TMX3: variants seen among roughly 807,000 people sequenced by gnomAD.
The protein encoded by TMX3 is protein disulfide-isomerase TMX3.
A neutral mutation model predicts 64.4 loss-of-function variants in TMX3; 40 were observed. The ratio of observed to expected loss-of-function variants is 0.62; its 90% CI spans 0.48 to 0.81. The LOEUF (loss-of-function observed/expected upper bound fraction) is 0.81. TMX3 is among the 30% of genes least tolerant of loss of function. The probability of loss-of-function intolerance (pLI) is 0.00; values close to 1 mark genes in which losing one functional copy is unlikely to be tolerated. For missense variants in TMX3, 497 were observed against 534.5 expected (o/e 0.93, Z 0.69); for synonymous variants, 189 against 175.7 (o/e 1.08, Z -0.60).
At chr18:68,703,114 T>C (rs1367909465) in intron 4 of TMX3, among the ~76,000 whole-genome samples, 4 of 152,180 alleles carry the variant, frequency 2.6e-5, no homozygotes, top group Admixed American at 2.6e-4. Context: ...AGACTGTGGG[T>C]ATGGAGACTG....
rs1469257250 is a variant in TMX3 at position 68,697,257 on chromosome 18, A to T, written c.539T>A (p.Phe180Tyr). The T allele has an allele frequency of 1.3e-6, 2 of 1,584,600 alleles. No individual in the cohort carries two copies. Among genetic ancestry groups the T allele is most frequent in the Non-Finnish European group, 8.6e-7 (1 of 1,163,564 alleles). The change falls in exon 8 of 16, where the codon TTC becomes TAC. Residue 180 changes from phenylalanine to tyrosine, a missense_variant. Around this residue, in one of 3 missense-constraint regions of TMX3, gnomAD observed 360 missense variants for 383.5 expected, o/e 0.94. Coordinates refer to ENST00000299608, the MANE Select transcript of TMX3 (RefSeq NM_019022.5). ...AASELIVYTY[F>Y]FSASEEVVPE... The stretch of plus-strand genomic sequence containing the variant: ...AACCACTTCTTCTGAGGCAGAAAAG[A>T]AGTATGTATATACAATCAATTCTGA...
rs1913520648 is a variant in TMX3, at chr18:68,682,372, T to G, written c.905+553A>C. On this transcript the variant is annotated intron_variant, in intron 13 of 15. Coordinates refer to ENST00000299608, the MANE Select transcript of TMX3 (RefSeq NM_019022.5). ...TAAATCTCTACATCATAATTTTAGA[T>G]AAAAATTATTTTAAAACTACATATT... Among the ~76,000 whole-genome samples the G allele has an allele frequency of 3.3e-5, 5 of 152,166 alleles. No homozygotes were observed. The South Asian group carries it at 1.0e-3, about 31-fold the overall frequency.
At chr18:68,710,348 C>T (rs1390864787) in intron 3 of TMX3, among the ~76,000 whole-genome samples, 1 of 152,048 alleles carries the variant, frequency 6.6e-6, no homozygotes, top group Non-Finnish European at 1.5e-5. Flanking sequence ...TACCTCAAAA[C>T]CGGTACTATC....
Position 68,714,989 on chromosome 18 carries a change from C to T in TMX3, c.-8G>A, listed in dbSNP as rs760424705. The T allele has an allele frequency of 9.6e-6, 15 of 1,569,188 alleles. No homozygotes were observed. The highest frequency in any genetic ancestry group is 1.4e-5 in the African/African-American group (1 of 73,686). On this transcript the variant is annotated 5_prime_UTR_variant, in exon 1 of 16. Coordinates refer to ENST00000299608, the MANE Select transcript of TMX3 (RefSeq NM_019022.5). Reference sequence around the variant, plus strand: ...ACTCTTCCACGCTGCCATGCTAGCCCGGGAGAGCTGCAGAAGCTGACTGTG... The same window carrying T: ...ACTCTTCCACGCTGCCATGCTAGCCTGGGAGAGCTGCAGAAGCTGACTGTG...
chr18:68,686,554 C>CA (rs1913978067), intron 10 of TMX3: 1 of 182,132 alleles, frequency 5.5e-6, no homozygotes, highest in African/African-American at 2.4e-5. Flanking sequence ...GCTAAGAATA[C>CA]AAAAATTTGC....
chr18:68,697,645 A>C, intron 7 of TMX3: 1 of 390,558 alleles, frequency 2.6e-6, no homozygotes, highest in Non-Finnish European at 4.5e-6. Flanking sequence ...AGTCTCAAAG[A>C]CTCAGAATTT....
intron 14 of TMX3, 115 bp from the exon 15 acceptor site, chr18:68,679,646 A>T: frequency 2.6e-6 from 2 of 780,660 alleles, no homozygotes; most frequent in South Asian, 1.9e-5. Flanking sequence ...TTACATAATC[A>T]CCTGAAAAGG....
At chr18:68,683,382 G>A (rs183587451) in intron 12 of TMX3, among the ~76,000 whole-genome samples, 1 of 152,082 alleles carries the variant, frequency 6.6e-6, no homozygotes, top group African/African-American at 2.4e-5. Flanking sequence ...AGAAGATTCA[G>A]AATAGGAAAG....
At chr18:68,679,418 C>G (rs1644555835) in intron 15 of TMX3, 45 bp downstream of exon 15, 2 of 1,476,888 alleles carry the variant, frequency 1.4e-6, no homozygotes, top group South Asian at 2.4e-5. Flanking sequence ...ACATAAAGAA[C>G]CTATATCTTC....
intron 9 of TMX3, 191 bp from the exon 10 acceptor site, chr18:68,687,956 T>G (rs945003842): frequency 5.5e-6 from 2 of 364,794 alleles, no homozygotes; most frequent in African/African-American, 4.2e-5. Context: ...ATCTTCATTA[T>G]AGCATCATTA....
At chr18:68,686,755 G>T (rs990307171) in intron 10 of TMX3, 1 of 984,516 alleles carries the variant, frequency 1.0e-6, no homozygotes, top group African/African-American at 1.8e-5. Flanking sequence ...CACTGTCCCC[G>T]GCAACTTCCA....
intron 10 of TMX3, among the ~76,000 whole-genome samples, chr18:68,685,555 C>A (rs1913863359): frequency 6.6e-6 from 1 of 152,116 alleles, no homozygotes. Flanking sequence ...GCAGAGCATT[C>A]TCCCATAGAC....
intron 15 of TMX3, among the ~76,000 whole-genome samples, chr18:68,678,243 C>T (rs1913107830): frequency 6.6e-6 from 1 of 151,980 alleles, no homozygotes; most frequent in African/African-American, 2.4e-5. Flanking sequence ...TACTTCTAAC[C>T]AAAAAATGTT....
chr18:68,701,549 A>G lies in TMX3; in HGVS notation c.311+196T>C. ...CAAGCAAAACACGTGAATTAGCCATAAACAACATGATTGCTTAAATACGAA... is the reference window on the plus strand; with the variant it reads ...CAAGCAAAACACGTGAATTAGCCATGAACAACATGATTGCTTAAATACGAA... On this transcript the variant is annotated intron_variant, in intron 5 of 15. Transcript: ENST00000299608. The G allele has an allele frequency of 2.3e-6, 3 of 1,328,602 alleles. 1 individual carries two copies. The allele number at this position is 1,328,602 out of a possible 1,614,324, so 82.3% of individuals were successfully genotyped here.
At chr18:68,712,018 A>AT (rs1157577030) in intron 2 of TMX3, among the ~76,000 whole-genome samples, 1 of 152,156 alleles carries the variant, frequency 6.6e-6, no homozygotes, top group Non-Finnish European at 1.5e-5. Flanking sequence ...AGTTTACAGC[A>AT]TATGACGAGC....
chr18:68,700,886 CA>C lies in TMX3; in HGVS notation c.312-402del, dbSNP rs2029992565. On this transcript the variant is annotated intron_variant, in intron 5 of 15. Transcript: ENST00000299608. Reference sequence around the variant, plus strand: ...TAGAAGAGGCAAAACAAATGTTAAGCAATACAACATGACAGTTACTTGATGC... The same window carrying C: ...TAGAAGAGGCAAAACAAATGTTAAGCATACAACATGACAGTTACTTGATGC... 12 of 801,146 alleles carry C rather than the reference CA, an allele frequency of 1.5e-5. No homozygotes were observed. In the South Asian group the frequency reaches 5.7e-4, roughly 38 times the overall value. The allele number at this position is 801,146 out of a possible 1,614,324, so 49.6% of individuals were successfully genotyped here.
chr18:68,701,658 AG>A, intron 5 of TMX3, 86 bp downstream of exon 5: 1 of 1,584,248 alleles, frequency 6.3e-7, no homozygotes, highest in Non-Finnish European at 8.6e-7. Context: ...TCAATCCTCC[AG>A]GGAATCTACT....
At chr18:68,704,857 A>C (rs972876539) in intron 4 of TMX3, among the ~76,000 whole-genome samples, 4 of 152,182 alleles carry the variant, frequency 2.6e-5, no homozygotes, top group African/African-American at 9.7e-5. Flanking sequence ...CTTGGATACT[A>C]GGCCTAATTC....
intron 10 of TMX3, chr18:68,686,869 C>T (rs146574236): frequency 2.0e-6 from 2 of 984,972 alleles, no homozygotes; most frequent in Non-Finnish European, 2.4e-6. Flanking sequence ...CAGAAATATC[C>T]CCCAAAACGT....
Sources: gnomAD v4.1 joint callset for allele counts (sites outside exome capture counted in the v4.1 genomes callset) on GRCh38, gnomAD v4.1.1 for gene constraint, gnomAD v4.1.1 regional missense constraint, MANE v1.5 for transcripts, NCBI Gene and HGNC (gene_info 2026-07-23, HGNC 2026-07-21) for gene names.